Variants in CRYBG3 observed in about 807,000 individuals in gnomAD.
The protein encoded by CRYBG3 is very large A-kinase anchor protein.
A neutral mutation model predicts 244.2 loss-of-function variants in CRYBG3; 127 were observed. The ratio of observed to expected loss-of-function variants is 0.52; its 90% CI spans 0.45 to 0.60. The LOEUF is 0.60. Ranked by LOEUF, CRYBG3 falls within the 20% of genes least tolerant of loss-of-function variation. CRYBG3 has a pLI of 0.00. For synonymous variants in CRYBG3, 1,132 were observed against 1,195.8 expected (o/e 0.95, Z 1.10); for missense variants, 3,325 against 3,442.5 (o/e 0.97, Z 0.85).
chr3:97,849,553 A>C (rs975286285), intron 2 of CRYBG3, among the ~76,000 whole-genome samples: 1 of 152,080 alleles, frequency 6.6e-6, no homozygotes, highest in East Asian at 1.9e-4. Flanking sequence ...ATTGTGGCTG[A>C]TGGTAGTCTG....
intron 2 of CRYBG3, among the ~76,000 whole-genome samples, chr3:97,845,439 G>A (rs555805504): frequency 5.9e-5 from 9 of 152,106 alleles, no homozygotes; most frequent in East Asian, 1.9e-4. Flanking sequence ...TAACATCGGC[G>A]GCTACTTCTA....
At chr3:97,922,882 T>A (rs190656358) in intron 17 of CRYBG3, among the ~76,000 whole-genome samples, 1 of 152,230 alleles carries the variant, frequency 6.6e-6, no homozygotes, top group East Asian at 1.9e-4. Context: ...TAAAGACACA[T>A]GCACACATAT....
rs1415320467 is a variant in CRYBG3 at position 97,822,182 on chromosome 3, C to T, written c.-25C>T. On this transcript the variant is annotated 5_prime_UTR_variant, in exon 1 of 22. Transcript: ENST00000389622. The stretch of plus-strand genomic sequence containing the variant: ...ACCTAGGCCGTTCCCTTCAGACAGC[C>T]CCGGGCCAGCGGCCCCCTCGGGAAA... The T allele has an allele frequency of 4.7e-6, 7 of 1,502,814 alleles. No homozygotes were observed. The South Asian group carries it at 8.9e-5, about 19-fold the overall frequency. The allele number at this position is 1,502,814 out of a possible 1,614,324, so 93.1% of individuals were successfully genotyped here.
intron 1 of CRYBG3, among the ~76,000 whole-genome samples, chr3:97,841,681 A>G (rs1020083111): frequency 2.6e-5 from 4 of 152,022 alleles, no homozygotes; most frequent in Non-Finnish European, 5.9e-5. Context: ...ACCACCAGTG[A>G]CCACTATTCG....
At chr3:97,838,005 C>G (rs2038758507) in intron 1 of CRYBG3, among the ~76,000 whole-genome samples, 1 of 152,096 alleles carries the variant, frequency 6.6e-6, no homozygotes, top group African/African-American at 2.4e-5. Context: ...TGAGTGTACC[C>G]TTTGTTTCTG....
intron 18 of CRYBG3, among the ~76,000 whole-genome samples, chr3:97,934,970 T>C (rs1002491807): frequency 3.9e-5 from 6 of 152,078 alleles, no homozygotes; most frequent in African/African-American, 7.2e-5. Flanking sequence ...TTGACATTCT[T>C]ATTTCTTCTC....
At chr3:97,940,466 C>T (rs980927123) in intron 19 of CRYBG3, among the ~76,000 whole-genome samples, 11 of 152,000 alleles carry the variant, frequency 7.2e-5, no homozygotes, top group African/African-American at 2.4e-4. Flanking sequence ...ACACATACTA[C>T]GTGTTCAATA....
intron 2 of CRYBG3, among the ~76,000 whole-genome samples, chr3:97,850,622 C>T (rs1559718474): frequency 6.6e-6 from 1 of 152,152 alleles, no homozygotes; most frequent in East Asian, 1.9e-4. Flanking sequence ...GCCTACCTAC[C>T]TTGCCTGTTG....
chr3:97,909,629 T>G (rs1268408819), intron 15 of CRYBG3, among the ~76,000 whole-genome samples: 2 of 151,540 alleles, frequency 1.3e-5, no homozygotes, highest in Non-Finnish European at 1.5e-5. Context: ...CTGTATTGGT[T>G]ATTCTAGTTA....
At position 97,851,518 on chromosome 3, in the gene CRYBG3, T is replaced by C. The variant is rs539042080; in HGVS notation, c.216+8257T>C. On this transcript the variant is annotated intron_variant, in intron 2 of 21. Transcript: ENST00000389622. ...TTTCCGTCCTGAAAAACTGGAATTG[T>C]AGAAGGAATTTTCCAGGCAAAGAGA... is the stretch of plus-strand genomic sequence containing the variant. Among the ~76,000 whole-genome samples, 27 of 152,262 alleles carry C rather than the reference T, an allele frequency of 1.8e-4. No individual in the cohort carries two copies. The East Asian group carries it at 5.0e-3, about 28-fold the overall frequency.
At chr3:97,911,679 G>T (rs2039873829) in intron 15 of CRYBG3, among the ~76,000 whole-genome samples, 1 of 152,208 alleles carries the variant, frequency 6.6e-6, no homozygotes, top group Non-Finnish European at 1.5e-5. Context: ...ATGTGCTCGT[G>T]CTCTCCTCTT....
At chr3:97,887,295 G>A (rs1343972481) in intron 8 of CRYBG3, among the ~76,000 whole-genome samples, 1 of 152,194 alleles carries the variant, frequency 6.6e-6, no homozygotes, top group African/African-American at 2.4e-5. Flanking sequence ...TTCAGTCTTA[G>A]TTCATTCCCA....
intron 2 of CRYBG3, 74 bp downstream of exon 2, chr3:97,843,335 CATCTT>C (rs1277984364): frequency 3.7e-6 from 3 of 801,558 alleles, no homozygotes; most frequent in Middle Eastern, 3.5e-4. Flanking sequence ...TAGATTCTGT[CATCTT>C]ATTTTACATT....
intron 1 of CRYBG3, among the ~76,000 whole-genome samples, chr3:97,832,538 C>G (rs1291368054): frequency 6.6e-6 from 1 of 152,034 alleles, no homozygotes; most frequent in Non-Finnish European, 1.5e-5. Context: ...GAAACTGGAC[C>G]CCTTCCTTAC....
chr3:97,910,213 C>T (rs2039850663), intron 15 of CRYBG3, among the ~76,000 whole-genome samples: 1 of 151,870 alleles, frequency 6.6e-6, no homozygotes, highest in Non-Finnish European at 1.5e-5. Flanking sequence ...TTGTCTGTGC[C>T]CTGCCCCCAG....
At chr3:97,888,846 C>G (rs1039688113) in intron 9 of CRYBG3, among the ~76,000 whole-genome samples, 4 of 152,090 alleles carry the variant, frequency 2.6e-5, no homozygotes, top group African/African-American at 9.7e-5. Context: ...TTTGAGGTCA[C>G]AAAGACAGTG....
intron 1 of CRYBG3, among the ~76,000 whole-genome samples, chr3:97,834,079 A>G (rs1476595826): frequency 6.6e-6 from 1 of 152,088 alleles, no homozygotes; most frequent in Non-Finnish European, 1.5e-5. Context: ...CCATGACCCA[A>G]ACACCTCCTA....
In CRYBG3 at chr3:97,864,386, TCAA is replaced by T; in HGVS notation, c.387_389del (p.Asn130del). ...TTTTTTCAGTTTCTTGGTAACTTAT[TCAA>T]TATCTCGGGGAAATCATCTCTAGGT... On this transcript the variant is annotated inframe_deletion, in exon 3 of 22. Transcript: ENST00000389622. 1 of 1,535,912 alleles carries T rather than the reference TCAA, an allele frequency of 6.5e-7. No individual in the cohort carries two copies. The highest frequency in any genetic ancestry group is 8.7e-7 in the Non-Finnish European group (1 of 1,146,802).
At chr3:97,835,841 A>G (rs1475208706) in intron 1 of CRYBG3, among the ~76,000 whole-genome samples, 1 of 152,114 alleles carries the variant, frequency 6.6e-6, no homozygotes, top group African/African-American at 2.4e-5. Context: ...CATTTTAGAA[A>G]GCAGCTAAAA....
Sources: gnomAD v4.1 joint callset for allele counts (sites outside exome capture counted in the v4.1 genomes callset) on GRCh38, gnomAD v4.1.1 for gene constraint, MANE v1.5 for transcripts, NCBI Gene and HGNC (gene_info 2026-07-23, HGNC 2026-07-21) for gene names.